CORO7: variants seen among roughly 807,000 people sequenced by gnomAD.
The protein encoded by CORO7 is coronin-7.
CORO7 carries 107 observed loss-of-function variants against 126.6 expected under a neutral mutation model. The observed-to-expected ratio is 0.85, with a 90% CI of 0.72 to 0.99. CORO7 has a LOEUF of 0.99. Among genes scored for constraint, CORO7 ranks in the 50% least tolerant of loss-of-function variants. CORO7 has a pLI of 0.00. For synonymous variants in CORO7, 603 were observed against 536.8 expected (o/e 1.12, Z -1.70); for missense variants, 1,314 against 1,255.8 (o/e 1.05, Z -0.70).
chr16:4,361,941 A>G, intron 16 of CORO7, 44 bp downstream of exon 16: 3 of 1,566,404 alleles, frequency 1.9e-6, no homozygotes, highest in Non-Finnish European at 1.7e-6. Flanking sequence ...TCTTTGCCAC[A>G]GGCAGGGAAC....
chr16:4,399,843 A>C (rs562172108), intron 6 of CORO7, among the ~76,000 whole-genome samples: 3 of 152,190 alleles, frequency 2.0e-5, no homozygotes, highest in Non-Finnish European at 4.4e-5. Flanking sequence ...GCAAGCTAAA[A>C]AAAAAAGAAG....
chr16:4,398,837 G>A (rs968825919), intron 6 of CORO7, among the ~76,000 whole-genome samples: 1 of 152,014 alleles, frequency 6.6e-6, no homozygotes, highest in African/African-American at 2.4e-5. Context: ...GTTTGGTGGT[G>A]TGAGACTGTG....
At chr16:4,365,858 T>TC (rs1379374700) in intron 9 of CORO7, among the ~76,000 whole-genome samples, 2 of 152,070 alleles carry the variant, frequency 1.3e-5, no homozygotes, top group Admixed American at 1.3e-4. Context: ...CCCACATGCA[T>TC]TCTGTGCCCC....
At chr16:4,384,216 A>T (rs1298677396) in intron 9 of CORO7, among the ~76,000 whole-genome samples, 1 of 152,230 alleles carries the variant, frequency 6.6e-6, no homozygotes, top group Non-Finnish European at 1.5e-5. Context: ...AGACGGTGCC[A>T]GGATTGGTGG....
chr16:4,355,764 C>T (rs1168789029), intron 26 of CORO7, among the ~76,000 whole-genome samples: 8 of 151,184 alleles, frequency 5.3e-5, no homozygotes, highest in East Asian at 2.0e-4. Context: ...CCACAGCGCC[C>T]GGCCTTTTTG....
intron 26 of CORO7, chr16:4,356,933 G>A (rs930892913): frequency 2.7e-5 from 16 of 586,658 alleles, no homozygotes; most frequent in African/African-American, 1.3e-4. Context: ...CAGAACTGCC[G>A]GCTTAGGCTG....
intron 9 of CORO7, among the ~76,000 whole-genome samples, chr16:4,374,645 A>C (rs2054656010): frequency 6.6e-6 from 1 of 152,164 alleles, no homozygotes; most frequent in Non-Finnish European, 1.5e-5. Context: ...GTTGTGGTTC[A>C]GTGGCCAGGT....
chr16:4,376,175 CTGACCTCTCTGCCCTGCCCT>C (rs2054723636), intron 9 of CORO7, among the ~76,000 whole-genome samples: 2 of 152,208 alleles, frequency 1.3e-5, no homozygotes, highest in South Asian at 4.1e-4. Flanking sequence ...CCCACGACCC[CTGACCTCTCTGCCCTGCCCT>C]TGGGACTGCT....
chr16:4,357,090 G>A (rs1008287630), intron 26 of CORO7, 78 bp downstream of exon 26: 2 of 1,570,412 alleles, frequency 1.3e-6, no homozygotes, highest in African/African-American at 1.3e-5. Flanking sequence ...CTGGGTTGGG[G>A]ATGGAGAACT....
At chr16:4,384,864 G>A (rs1314377313) in intron 9 of CORO7, among the ~76,000 whole-genome samples, 1 of 152,188 alleles carries the variant, frequency 6.6e-6, no homozygotes, top group African/African-American at 2.4e-5. Flanking sequence ...TGGCTGCATC[G>A]TCAAAGGGGC....
In CORO7 at chr16:4,390,488, G is replaced by A. The variant is rs1295589737; in HGVS notation, c.616-1857C>T. On this transcript the variant is annotated intron_variant, in intron 7 of 27. Transcript: ENST00000251166. Reference sequence around the variant, plus strand: ...ACCTAGCGTCATTCCTGCTAGGCTGGGAGGGTTGATAGGCGTGAGCCAGGT... The same window carrying A: ...ACCTAGCGTCATTCCTGCTAGGCTGAGAGGGTTGATAGGCGTGAGCCAGGT... Among the ~76,000 whole-genome samples the A allele has an allele frequency of 7.9e-5, 12 of 152,208 alleles. No homozygotes were observed. In the East Asian group the frequency reaches 1.9e-3, roughly 24 times the overall value.
At chr16:4,395,586 G>C (rs1171588113) in intron 6 of CORO7, among the ~76,000 whole-genome samples, 1 of 152,210 alleles carries the variant, frequency 6.6e-6, no homozygotes, top group Admixed American at 6.5e-5. Context: ...TCAGTGAGGA[G>C]TGTTCAGCTT....
chr16:4,401,909 TC>T (rs1489232481), intron 6 of CORO7, among the ~76,000 whole-genome samples: 1 of 144,420 alleles, frequency 6.9e-6, no homozygotes, highest in African/African-American at 2.6e-5. Flanking sequence ...TTTCTTTTTT[TC>T]CTTTTTTTTT....
chr16:4,357,056 G>T lies in CORO7; in HGVS notation c.2685+112C>A, dbSNP rs149045884. On this transcript the variant is annotated intron_variant, in intron 26 of 27. Coordinates refer to ENST00000251166, the MANE Select transcript of CORO7 (RefSeq NM_024535.5). ...CACCAGGCTCTGGTGTGAAGGGGAC[G>T]TGACATGTGGCTGCTGTCCCAGTCT... 4 of 1,371,864 alleles carry T rather than the reference G, an allele frequency of 2.9e-6. No individual in the cohort carries two copies. In the African/African-American group the frequency reaches 4.3e-5, roughly 15 times the overall value. The allele number at this position is 1,371,864 out of a possible 1,614,324, so 85.0% of individuals were successfully genotyped here. A position where few individuals can be genotyped will look rare whatever the true frequency, so the allele number is the denominator to read the frequency against.
intron 3 of CORO7, 30 bp from the exon 4 acceptor site, chr16:4,408,281 G>C (rs1281263033): frequency 1.2e-6 from 2 of 1,614,158 alleles, no homozygotes; most frequent in African/African-American, 1.3e-5. Flanking sequence ...GAACCCACCG[G>C]AATGTCCTGT....
intron 9 of CORO7, among the ~76,000 whole-genome samples, chr16:4,373,554 G>A (rs1356739531): frequency 2.0e-5 from 3 of 152,148 alleles, no homozygotes; most frequent in Admixed American, 6.5e-5. Flanking sequence ...GTGCTTACCC[G>A]AGGAAGGCCC....
At chr16:4,382,732 G>GCTGGGCCCCTGGAA in intron 9 of CORO7, 1 of 1,553,744 alleles carries the variant, frequency 6.4e-7, no homozygotes, top group Admixed American at 1.9e-5. Context: ...GGGGCCAGGG[G>GCTGGGCCCCTGGAA]CTGGGCCCCT....
chr16:4,379,908 A>C (rs2054890097), intron 9 of CORO7, among the ~76,000 whole-genome samples: 1 of 150,170 alleles, frequency 6.7e-6, no homozygotes, highest in Non-Finnish European at 1.5e-5. Context: ...AAATACAAAA[A>C]TTAGCCATGC....
intron 6 of CORO7, among the ~76,000 whole-genome samples, 184 bp downstream of exon 6, chr16:4,405,307 G>C (rs1424463918): frequency 6.6e-6 from 1 of 152,232 alleles, no homozygotes; most frequent in East Asian, 1.9e-4. Flanking sequence ...GGCAAGGTAG[G>C]GGCTTCCAGA....
Sources: allele counts gnomAD v4.1 joint callset (sites outside exome capture counted in the v4.1 genomes callset), GRCh38; gene constraint gnomAD v4.1.1; transcripts MANE v1.5; gene names NCBI Gene and HGNC (gene_info 2026-07-23, HGNC 2026-07-21).